Variants in PCCA observed in about 807,000 individuals in gnomAD.
PCCA encodes the protein propionyl-CoA carboxylase subunit alpha, also known as propionyl-CoA carboxylase alpha chain, mitochondrial.
Under a neutral mutation model 101.3 loss-of-function variants are expected in PCCA, and 74 were observed. The observed-to-expected ratio is 0.73, with a 90% CI of 0.61 to 0.89. The LOEUF (loss-of-function observed/expected upper bound fraction) is 0.89. Ranked by LOEUF, PCCA falls within the 40% of genes least tolerant of loss-of-function variation. The pLI is 0.00. For synonymous variants in PCCA, 294 were observed against 313.6 expected, an observed-to-expected ratio of 0.94 and a Z score of 0.66; for missense variants, 891 against 907.0, an observed-to-expected ratio of 0.98 and a Z score of 0.23.
At chr13:100,204,132 C>CTT (rs781004968) in intron 6 of PCCA, among the ~76,000 whole-genome samples, 1 of 138,684 alleles carries the variant, frequency 7.2e-6, no homozygotes, top group Non-Finnish European at 1.6e-5. Context: ...TTTTCCGTGG[C>CTT]TTTTTTTTTT....
chr13:100,420,075 C>A (rs1205698401), intron 19 of PCCA, among the ~76,000 whole-genome samples: 1 of 152,156 alleles, frequency 6.6e-6, no homozygotes, highest in Non-Finnish European at 1.5e-5. Context: ...TTGAAAGGAG[C>A]AGATTTTACT....
chr13:100,380,032 A>AACACACACAC (rs140284754), intron 19 of PCCA, among the ~76,000 whole-genome samples: 1 of 149,570 alleles, frequency 6.7e-6, no homozygotes, highest in South Asian at 2.1e-4. Context: ...AAGTAATCTA[A>AACACACACAC]ACACACACAC....
intron 19 of PCCA, among the ~76,000 whole-genome samples, chr13:100,416,924 A>G (rs2078411006): frequency 6.6e-6 from 1 of 151,844 alleles, no homozygotes; most frequent in African/African-American, 2.4e-5. Flanking sequence ...GCTCACTGCA[A>G]CCTCTGCCTC....
chr13:100,446,658 A>C (rs2152923186), intron 20 of PCCA, among the ~76,000 whole-genome samples: 1 of 152,304 alleles, frequency 6.6e-6, no homozygotes, highest in South Asian at 2.1e-4. Flanking sequence ...AGTCTCCCTA[A>C]GACACAGGAA....
At chr13:100,506,339 C>T (rs1027339175) in intron 21 of PCCA, among the ~76,000 whole-genome samples, 1 of 147,350 alleles carries the variant, frequency 6.8e-6, no homozygotes, top group Admixed American at 6.8e-5. Context: ...CCCCTACCAG[C>T]GCTCATTTCT....
chr13:100,405,351 G>C (rs2077609980), intron 19 of PCCA, among the ~76,000 whole-genome samples: 1 of 152,178 alleles, frequency 6.6e-6, no homozygotes, highest in South Asian at 2.1e-4. Context: ...GAGATTGCTG[G>C]TTGGTTTACA....
intron 16 of PCCA, among the ~76,000 whole-genome samples, chr13:100,329,965 A>G (rs2069303298): frequency 6.6e-6 from 1 of 152,174 alleles, no homozygotes; most frequent in Non-Finnish European, 1.5e-5. Flanking sequence ...TTTCTCCATA[A>G]CAACACCCAA....
At chr13:100,233,952 G>A (rs927579121) in intron 7 of PCCA, among the ~76,000 whole-genome samples, 2 of 152,210 alleles carry the variant, frequency 1.3e-5, no homozygotes, top group Non-Finnish European at 2.9e-5. Flanking sequence ...ATTCAAATAA[G>A]TGACAAAATA....
chr13:100,147,377 A>G (rs553907874), intron 4 of PCCA, among the ~76,000 whole-genome samples: 16 of 152,350 alleles, frequency 1.1e-4, no homozygotes, highest in African/African-American at 3.8e-4. Flanking sequence ...GTCATCATTT[A>G]GTGGCCTGTG....
intron 14 of PCCA, among the ~76,000 whole-genome samples, chr13:100,305,066 C>A (rs780764233): frequency 9.2e-5 from 14 of 152,150 alleles, no homozygotes; most frequent in African/African-American, 1.7e-4. Context: ...CTTGATCTGA[C>A]TTCAGATTGG....
chr13:100,370,168 C>G (rs1319923248), intron 19 of PCCA, among the ~76,000 whole-genome samples: 3 of 148,514 alleles, frequency 2.0e-5, no homozygotes, highest in Non-Finnish European at 4.4e-5. Flanking sequence ...ACTGCAGCCT[C>G]TTCCTCCCAG....
At chr13:100,472,906 C>T (rs1414240977) in intron 21 of PCCA, among the ~76,000 whole-genome samples, 4 of 152,020 alleles carry the variant, frequency 2.6e-5, no homozygotes, top group Admixed American at 2.6e-4. Context: ...GATTAATACA[C>T]TGTGAACCTA....
chr13:100,433,115 T>C (rs781044759), intron 20 of PCCA, among the ~76,000 whole-genome samples: 15 of 152,230 alleles, frequency 9.9e-5, no homozygotes, highest in African/African-American at 2.9e-4. Context: ...TGTACAAATA[T>C]CTGTTTGAGT....
chr13:100,337,800 C>T (rs1455710729), intron 17 of PCCA, among the ~76,000 whole-genome samples: 1 of 152,124 alleles, frequency 6.6e-6, no homozygotes, highest in East Asian at 1.9e-4. Flanking sequence ...ATGGTATATA[C>T]GGTGCATATG....
intron 7 of PCCA, among the ~76,000 whole-genome samples, chr13:100,231,378 C>G (rs571711997): frequency 6.6e-6 from 1 of 152,220 alleles, no homozygotes; most frequent in South Asian, 2.1e-4. Flanking sequence ...CTGCCTGGGC[C>G]TTGGGCTGCA....
At chr13:100,419,810 G>A (rs1245864865) in intron 19 of PCCA, among the ~76,000 whole-genome samples, 1 of 152,242 alleles carries the variant, frequency 6.6e-6, no homozygotes, top group African/African-American at 2.4e-5. Context: ...TTGGGCCTAT[G>A]GCTTCGATTT....
chr13:100,227,128 C>T (rs915342763), intron 7 of PCCA, among the ~76,000 whole-genome samples: 12 of 152,240 alleles, frequency 7.9e-5, no homozygotes, highest in Middle Eastern at 3.4e-3. Flanking sequence ...TGCGCCACCA[C>T]GCCCGGCTAA....
chr13:100,237,939 CT>C (rs1229413728), intron 8 of PCCA, among the ~76,000 whole-genome samples: 60 of 127,452 alleles, frequency 4.7e-4, no homozygotes, highest in Non-Finnish European at 5.1e-4. Context: ...TTCTTTCTTT[CT>C]TTTTTTTTTT....
At chr13:100,473,911 C>G (rs550338885) in intron 21 of PCCA, among the ~76,000 whole-genome samples, 23 of 152,358 alleles carry the variant, frequency 1.5e-4, no homozygotes, top group Admixed American at 4.6e-4. Context: ...TGTGCTGCCA[C>G]AGGCACAGTG....
Sources: gnomAD v4.1 joint callset for allele counts (sites outside exome capture counted in the v4.1 genomes callset) on GRCh38, gnomAD v4.1.1 for gene constraint, MANE v1.5 for transcripts, NCBI Gene and HGNC (gene_info 2026-07-23, HGNC 2026-07-21) for gene names.